RPH3A: variants seen among roughly 807,000 people sequenced by gnomAD.
RPH3A encodes rabphilin 3A.
RPH3A carries 48 observed loss-of-function variants against 102.2 expected under a neutral mutation model. That is an observed-to-expected ratio of 0.47 (90% CI 0.37 to 0.60). RPH3A has a LOEUF of 0.60. Among genes scored for constraint, RPH3A ranks in the 20% least tolerant of loss-of-function variants. The probability of loss-of-function intolerance (pLI) is 0.00; values close to 1 mark genes in which losing one functional copy is unlikely to be tolerated. For missense variants in RPH3A, 781 were observed against 910.1 expected (o/e 0.86, Z 1.83); for synonymous variants, 310 against 324.3 (o/e 0.96, Z 0.47).
intron 1 of RPH3A, among the ~76,000 whole-genome samples, chr12:112,662,429 A>G (rs1279247264): frequency 6.6e-6 from 1 of 152,238 alleles, no homozygotes; most frequent in African/African-American, 2.4e-5. Context: ...ATTTCCATTT[A>G]TAGATCAGGA....
chr12:112,733,982 GGA>G (rs1287591955), intron 1 of RPH3A, among the ~76,000 whole-genome samples: 2 of 152,246 alleles, frequency 1.3e-5, no homozygotes, highest in Admixed American at 1.3e-4. Flanking sequence ...ACTGTACTAA[GGA>G]ATTTACATCT....
rs563749306 is a variant in RPH3A at position 112,724,841 on chromosome 12, C to T, written c.-139-67302C>T. ...AAAATTAGCCAGGCGTGGTGACACA[C>T]GCCTGTAGTCCCAGCTACTAGGGAG... On this transcript the variant is annotated intron_variant, in intron 1 of 21. Coordinates refer to the RPH3A transcript ENST00000543106. 1.2e-4 allele frequency among the ~76,000 whole-genome samples: 18 copies of T among 152,090 alleles called. 1 individual carries two copies. Among genetic ancestry groups the T allele is most frequent in the Admixed American group, 9.2e-4 (14 of 15,268 alleles).
intron 10 of RPH3A, 91 bp downstream of exon 10, chr12:112,870,130 G>A (rs1047862817): frequency 5.2e-6 from 7 of 1,341,022 alleles, no homozygotes; most frequent in Non-Finnish European, 7.1e-6. Context: ...ATTTACTTAG[G>A]CAGCATTTAT....
intron 1 of RPH3A, among the ~76,000 whole-genome samples, chr12:112,575,598 G>A (rs2039353056): frequency 6.6e-6 from 1 of 152,104 alleles, no homozygotes; most frequent in African/African-American, 2.4e-5. Context: ...GCGAGTCTCC[G>A]AGAGGGGAAC....
chr12:112,886,755 C>G (rs2043007807), intron 16 of RPH3A, among the ~76,000 whole-genome samples: 1 of 152,188 alleles, frequency 6.6e-6, no homozygotes, highest in African/African-American at 2.4e-5. Context: ...GGTTCTACCT[C>G]TTATTAGGGA....
intron 14 of RPH3A, 78 bp downstream of exon 14, chr12:112,879,276 C>A: frequency 8.3e-7 from 1 of 1,208,910 alleles, no homozygotes; most frequent in Non-Finnish European, 1.2e-6. Context: ...GATGGATGAC[C>A]AGGCCTGTCT....
At chr12:112,861,255 C>T (rs1179842105) in intron 5 of RPH3A, among the ~76,000 whole-genome samples, 3 of 152,160 alleles carry the variant, frequency 2.0e-5, no homozygotes, top group African/African-American at 7.2e-5. Flanking sequence ...TCCAGAGAGG[C>T]AAAAGTCCAG....
chr12:112,840,959 A>C (rs1224937848), intron 4 of RPH3A, among the ~76,000 whole-genome samples: 2 of 151,758 alleles, frequency 1.3e-5, no homozygotes, highest in African/African-American at 4.8e-5. Context: ...CATCACACAC[A>C]CCATCAGCAT....
chr12:112,783,704 A>G (rs2041024828), intron 1 of RPH3A, among the ~76,000 whole-genome samples: 2 of 152,232 alleles, frequency 1.3e-5, no homozygotes, highest in Non-Finnish European at 1.5e-5. Flanking sequence ...CATTTTACAG[A>G]CAATGAGGCT....
intron 1 of RPH3A, among the ~76,000 whole-genome samples, chr12:112,629,370 T>C (rs2039787671): frequency 6.7e-6 from 1 of 148,978 alleles, no homozygotes; most frequent in Non-Finnish European, 1.5e-5. Context: ...CTCTCCTCTT[T>C]GAACAATTAG....
At chr12:112,784,960 C>T (rs377105842) in intron 1 of RPH3A, among the ~76,000 whole-genome samples, 4 of 152,202 alleles carry the variant, frequency 2.6e-5, no homozygotes, top group Non-Finnish European at 5.9e-5. Flanking sequence ...TGGTGGCTCA[C>T]GCCTATAATC....
intron 1 of RPH3A, among the ~76,000 whole-genome samples, chr12:112,713,619 C>T: frequency 6.6e-6 from 1 of 151,172 alleles, no homozygotes. Flanking sequence ...TGTTTTGAGA[C>T]TCATGCTTTT....
At chr12:112,644,451 G>T (rs2039912347) in intron 1 of RPH3A, among the ~76,000 whole-genome samples, 1 of 152,122 alleles carries the variant, frequency 6.6e-6, no homozygotes, top group South Asian at 2.1e-4. Context: ...CTTGTGGACT[G>T]GGTTGCTCCT....
chr12:112,655,563 C>CTTTT lies in RPH3A; in HGVS notation c.-140+80268_-140+80271dup, dbSNP rs71086113. Among the ~76,000 whole-genome samples the CTTTT allele has an allele frequency of 1.5e-3, 86 of 55,586 alleles. 15 individuals carry two copies. Among genetic ancestry groups the CTTTT allele is most frequent in the African/African-American group, 4.6e-3 (61 of 13,186 alleles). The allele number at this position is 55,586 out of a possible 152,430, so 36.5% of individuals were successfully genotyped here. ...GGGCCCATCTCGAATTTTTGTTGGT[C>CTTTT]TTTTTTTTTTTTTTTTTTTTTTTTT... On this transcript the variant is annotated intron_variant, in intron 1 of 21. Transcript: ENST00000543106.
chr12:112,688,414 G>A (rs1204407666), intron 1 of RPH3A, among the ~76,000 whole-genome samples: 1 of 152,150 alleles, frequency 6.6e-6, no homozygotes, highest in Non-Finnish European at 1.5e-5. Flanking sequence ...ATCAGAAGTG[G>A]TTTGGAATCA....
intron 5 of RPH3A, among the ~76,000 whole-genome samples, chr12:112,849,316 A>G (rs1185536153): frequency 1.3e-5 from 2 of 152,076 alleles, no homozygotes; most frequent in South Asian, 2.1e-4. Flanking sequence ...CACGGAGGGG[A>G]TAGGTCTGAG....
intron 2 of RPH3A, among the ~76,000 whole-genome samples, chr12:112,796,045 CACTGCAGTTCCCCAGTT>C: frequency 6.6e-6 from 1 of 152,150 alleles, no homozygotes; most frequent in Non-Finnish European, 1.5e-5. Flanking sequence ...TCTTGTTCCC[CACTGCAGTTCCCCAGTT>C]GCTGCAGGTC....
At chr12:112,719,788 G>A (rs756354369) in intron 1 of RPH3A, among the ~76,000 whole-genome samples, 6 of 152,104 alleles carry the variant, frequency 3.9e-5, no homozygotes, top group African/African-American at 2.4e-5. Flanking sequence ...GTGTTCTTAC[G>A]TTTGATTAAG....
At chr12:112,762,981 G>A (rs931119874) in intron 1 of RPH3A, among the ~76,000 whole-genome samples, 1 of 152,176 alleles carries the variant, frequency 6.6e-6, no homozygotes, top group Non-Finnish European at 1.5e-5. Context: ...GTGGGTCAAA[G>A]GTCATTCCCC....
Sources: gnomAD v4.1 joint callset for allele counts (sites outside exome capture counted in the v4.1 genomes callset) on GRCh38, gnomAD v4.1.1 for gene constraint, MANE v1.5 for transcripts, NCBI Gene and HGNC (gene_info 2026-07-23, HGNC 2026-07-21) for gene names.